The following CLEC9A variants were observed in gnomAD, a reference collection of about 807,000 sequenced individuals.
CLEC9A encodes the protein C-type lectin domain containing 9A, also known as C-type lectin domain family 9 member A.
Under a neutral mutation model 30.0 loss-of-function variants are expected in CLEC9A, and 24 were observed. That is an observed-to-expected ratio of 0.80 (90% CI 0.58 to 1.13). The LOEUF is 1.13. Among genes scored for constraint, CLEC9A ranks in the 50% most tolerant of loss-of-function variants. The pLI is 0.00. For missense variants in CLEC9A, 251 were observed against 280.9 expected (o/e 0.89, Z 0.76); for synonymous variants, 111 against 96.8 (o/e 1.15, Z -0.86).
intron 2 of CLEC9A, among the ~76,000 whole-genome samples, chr12:10,043,826 C>T (rs1265244715): frequency 2.0e-5 from 3 of 151,968 alleles, no homozygotes; most frequent in Admixed American, 1.3e-4. Flanking sequence ...GGATTACAGG[C>T]ACGCGCCACC....
chr12:10,045,733 C>A (rs1307464962), intron 2 of CLEC9A: 1 of 202,776 alleles, frequency 4.9e-6, no homozygotes, highest in Admixed American at 4.5e-5. Flanking sequence ...TTCCTTTCTT[C>A]CTTTGATGTC....
chr12:10,046,269 T>G (rs756440711), intron 2 of CLEC9A, among the ~76,000 whole-genome samples: 13 of 152,224 alleles, frequency 8.5e-5, no homozygotes, highest in Non-Finnish European at 1.9e-4. Context: ...CATTTACTAT[T>G]GTATTACCAT....
intron 2 of CLEC9A, among the ~76,000 whole-genome samples, chr12:10,049,387 T>C (rs1280987789): frequency 1.3e-5 from 2 of 152,212 alleles, no homozygotes; most frequent in Non-Finnish European, 2.9e-5. Context: ...GCTTGTCCTT[T>C]GAAGCTTTCA....
intron 2 of CLEC9A, among the ~76,000 whole-genome samples, chr12:10,049,946 AAACTT>A (rs1479233086): frequency 6.6e-6 from 1 of 152,152 alleles, no homozygotes; most frequent in Non-Finnish European, 1.5e-5. Flanking sequence ...CTTCCTCACT[AAACTT>A]AATCATTTTT....
chr12:10,048,329 G>A (rs1470553639), intron 2 of CLEC9A, among the ~76,000 whole-genome samples: 2 of 146,084 alleles, frequency 1.4e-5, no homozygotes, highest in Non-Finnish European at 3.0e-5. Context: ...CCGAGATCGC[G>A]ACACTACAGT....
chr12:10,061,055 T>C (rs1244726266), intron 5 of CLEC9A, 72 bp from the exon 6 acceptor site: 6 of 1,505,686 alleles, frequency 4.0e-6, no homozygotes, highest in Admixed American at 2.4e-5. Flanking sequence ...TACTTGTCTT[T>C]AGTCTGTGTT....
rs750399179 is a variant in CLEC9A, at chr12:10,063,070, C to T, written c.335C>T (p.Pro112Leu). 1 of 1,603,854 alleles carries T rather than the reference C, an allele frequency of 6.2e-7. No individual in the cohort carries two copies. The highest frequency in any genetic ancestry group is 8.5e-7 in the Non-Finnish European group (1 of 1,176,658). The stretch of plus-strand genomic sequence containing the variant: ...ATATTCAAAGCCCATAACAGCAGTC[C>T]TTGTCCAAACAATTGGATTCAGAAC... ...NSLSSAHNSS[P>L]CPNNWIQNRE... Residue 112 changes from proline (P) to leucine (L), a missense_variant, in exon 7 of 9, where the codon CCT (proline) becomes CTT (leucine). By Grantham distance (98) the Pro-to-Leu change is moderately conservative (BLOSUM62 -3). Coordinates refer to ENST00000355819, the MANE Select transcript of CLEC9A (RefSeq NM_207345.4).
At chr12:10,055,913 G>A (rs1865938364) in intron 5 of CLEC9A, among the ~76,000 whole-genome samples, 1 of 151,610 alleles carries the variant, frequency 6.6e-6, no homozygotes, top group East Asian at 1.9e-4. Flanking sequence ...AAAAAAATTA[G>A]CCGGGAGTGG....
chr12:10,047,108 T>C (rs895675473), intron 2 of CLEC9A, among the ~76,000 whole-genome samples: 4 of 152,168 alleles, frequency 2.6e-5, no homozygotes, highest in Admixed American at 1.3e-4. Context: ...TTGGAGGGCT[T>C]AGGAAAAATA....
chr12:10,031,746 C>T lies in CLEC9A; in HGVS notation c.-318+774C>T, dbSNP rs147496179. Among the ~76,000 whole-genome samples, 623 of 152,054 alleles carry T rather than the reference C, an allele frequency of 4.1e-3. 3 individuals are homozygous for T. Among genetic ancestry groups the T allele is most frequent in the Middle Eastern group, 0.014 (4 of 294 alleles). The stretch of plus-strand genomic sequence containing the variant: ...GAGAAATGGGAGTAGCAACCAATGT[C>T]GGTAGAAGAAACAGCATATAATAAC... On this transcript the variant is annotated intron_variant, in intron 1 of 8. Transcript: ENST00000355819.
At position 10,052,736 on chromosome 12, in the gene CLEC9A, C is replaced by G. The variant is rs775306651; in HGVS notation, c.49C>G (p.Pro17Ala). ...YTSLQWDSPA[P>A]DTYQKCLSSN... Reference sequence around the variant, plus strand: ...CTCTCTTCAGTGGGATAGCCCAGCACCAGACACTTACCAGAAATGTCTGTC... The same window carrying G: ...CTCTCTTCAGTGGGATAGCCCAGCAGCAGACACTTACCAGAAATGTCTGTC... The change falls in exon 4 of 9, where the codon CCA becomes GCA. Residue 17 changes from proline to alanine, a missense_variant. By Grantham distance (27) the Pro-to-Ala change is conservative (BLOSUM62 -1). Coordinates refer to ENST00000355819, the MANE Select transcript of CLEC9A (RefSeq NM_207345.4). 6 of 1,613,972 alleles carry G rather than the reference C, an allele frequency of 3.7e-6. No individual in the cohort carries two copies. In the South Asian group the frequency reaches 6.6e-5, roughly 18 times the overall value.
At chr12:10,061,793 A>G (rs1191829449) in intron 6 of CLEC9A, among the ~76,000 whole-genome samples, 1 of 152,228 alleles carries the variant, frequency 6.6e-6, no homozygotes, top group Non-Finnish European at 1.5e-5. Flanking sequence ...CTTTACAAGC[A>G]TTTTAAACCT....
chr12:10,048,366 G>GAAAAAAA (rs35035367), intron 2 of CLEC9A, among the ~76,000 whole-genome samples: 1 of 128,650 alleles, frequency 7.8e-6, no homozygotes, highest in Non-Finnish European at 1.7e-5. Context: ...GTGAGATTCC[G>GAAAAAAA]AAAAAAAAAA....
At position 10,043,609 on chromosome 12, in the gene CLEC9A, A is replaced by AGTGTGT. The variant is rs34659428; in HGVS notation, c.-163+2012_-163+2017dup. ...TCTATATTAATCTTTACCATGGAAC[A>AGTGTGT]GTGTGTGTGTGTGTGTGTGTGTGTG... On this transcript the variant is annotated intron_variant, in intron 2 of 8. Coordinates refer to ENST00000355819, the MANE Select transcript of CLEC9A (RefSeq NM_207345.4). Among the ~76,000 whole-genome samples the AGTGTGT allele has an allele frequency of 5.7e-3, 821 of 144,028 alleles. 12 individuals are homozygous for AGTGTGT. Among genetic ancestry groups the AGTGTGT allele is most frequent in the African/African-American group, 0.017 (654 of 38,988 alleles). The allele number at this position is 144,028 out of a possible 152,430, so 94.5% of individuals were successfully genotyped here. A position where few individuals can be genotyped will look rare whatever the true frequency, so the allele number is the denominator to read the frequency against.
chr12:10,039,447 T>C lies in CLEC9A; in HGVS notation c.-317-2019T>C, dbSNP rs149045658. Reference sequence around the variant, plus strand: ...AAAAGTATTTTTAAGAATTTACTACTGGCTTTTAAGAACTCCTCAGTGTGG... The same window carrying C: ...AAAAGTATTTTTAAGAATTTACTACCGGCTTTTAAGAACTCCTCAGTGTGG... On this transcript the variant is annotated intron_variant, in intron 1 of 8. Transcript: ENST00000355819. 6.5e-3 allele frequency among the ~76,000 whole-genome samples: 987 copies of C among 152,354 alleles called. 5 individuals are homozygous for C. The highest frequency in any genetic ancestry group is 0.021 in the African/African-American group (890 of 41,582).
intron 2 of CLEC9A, among the ~76,000 whole-genome samples, chr12:10,047,961 G>A (rs1002344462): frequency 6.6e-6 from 1 of 151,986 alleles, no homozygotes; most frequent in African/African-American, 2.4e-5. Context: ...GGCTGGGCGC[G>A]GTGGCTCACG....
At chr12:10,059,341 T>C (rs1465436547) in intron 5 of CLEC9A, among the ~76,000 whole-genome samples, 1 of 151,960 alleles carries the variant, frequency 6.6e-6, no homozygotes, top group Non-Finnish European at 1.5e-5. Context: ...GCTGGAGAAA[T>C]TAGACATCCA....
chr12:10,043,247 T>C lies in CLEC9A; in HGVS notation c.-163+1627T>C, dbSNP rs375786204. ...TCAAAGCCAGGACTGGTTTAATTCATTGGGTCAGATTATCCCACCAGAACT... is the reference window on the plus strand; with the variant it reads ...TCAAAGCCAGGACTGGTTTAATTCACTGGGTCAGATTATCCCACCAGAACT... On this transcript the variant is annotated intron_variant, in intron 2 of 8. Transcript: ENST00000355819. 8 of 343,950 alleles carry C rather than the reference T, an allele frequency of 2.3e-5. No individual in the cohort carries two copies. The East Asian group carries it at 3.9e-4, about 17-fold the overall frequency. The allele number at this position is 343,950 out of a possible 1,614,324, so 21.3% of individuals were successfully genotyped here. A position where few individuals can be genotyped will look rare whatever the true frequency, so the allele number is the denominator to read the frequency against.
At chr12:10,045,011 A>C (rs1385774874) in intron 2 of CLEC9A, among the ~76,000 whole-genome samples, 1 of 152,212 alleles carries the variant, frequency 6.6e-6, no homozygotes, top group Non-Finnish European at 1.5e-5. Context: ...TCTATCCTGT[A>C]ACATAAATCC....
Sources: allele counts gnomAD v4.1 joint callset (sites outside exome capture counted in the v4.1 genomes callset), GRCh38; gene constraint gnomAD v4.1.1; transcripts MANE v1.5; gene names NCBI Gene and HGNC (gene_info 2026-07-23, HGNC 2026-07-21).